VWA8: variants seen among roughly 807,000 people sequenced by gnomAD.
VWA8 encodes von Willebrand factor A domain-containing protein 8.
Under a neutral mutation model 241.5 loss-of-function variants are expected in VWA8, and 221 were observed. The ratio of observed to expected loss-of-function variants is 0.91; its 90% CI spans 0.82 to 1.02. The LOEUF (loss-of-function observed/expected upper bound fraction) is 1.02, where lower values mean the gene tolerates loss of function less well. Among genes scored for constraint, VWA8 ranks in the 50% least tolerant of loss-of-function variants. The pLI, the probability that VWA8 is intolerant of heterozygous loss-of-function variation, is 0.00. For synonymous variants in VWA8, 852 were observed against 827.1 expected (o/e 1.03, Z -0.52); for missense variants, 2,322 against 2,328.7 (o/e 1.00, Z 0.06).
At chr13:41,872,526 G>C (rs1873680783) in intron 9 of VWA8, among the ~76,000 whole-genome samples, 1 of 152,050 alleles carries the variant, frequency 6.6e-6, no homozygotes, top group African/African-American at 2.4e-5. Context: ...TCTACATATG[G>C]CTAGCCAGTT....
intron 21 of VWA8, among the ~76,000 whole-genome samples, chr13:41,758,361 G>T (rs1346599724): frequency 3.4e-5 from 3 of 88,288 alleles, no homozygotes; most frequent in Admixed American, 1.3e-4. Flanking sequence ...CATTGCTATA[G>T]ATACTAGCAT....
At chr13:41,901,500 T>C (rs1161457020) in intron 4 of VWA8, among the ~76,000 whole-genome samples, 1 of 152,168 alleles carries the variant, frequency 6.6e-6, no homozygotes, top group Non-Finnish European at 1.5e-5. Flanking sequence ...AACGTAGGTC[T>C]CCCAATAAAA....
At chr13:41,935,022 TTA>T (rs1352023564) in intron 2 of VWA8, among the ~76,000 whole-genome samples, 1 of 152,118 alleles carries the variant, frequency 6.6e-6, no homozygotes, top group African/African-American at 2.4e-5. Flanking sequence ...TTCCAAGTTT[TTA>T]TGTTGATTAT....
chr13:41,819,383 G>A lies in VWA8; in HGVS notation c.1704C>T (p.Ser568=). The change falls in exon 15 of 45, where the codon TCC becomes TCT. Residue 568 remains serine (S), a synonymous_variant. Transcript: ENST00000379310. Reference sequence around the variant, plus strand: ...TGAAGGAGGGATGGATAGGAAAAATGGATCTAAAATAGGAAAAAAAATGAA... The same window carrying A: ...TGAAGGAGGGATGGATAGGAAAAATAGATCTAAAATAGGAAAAAAAATGAA... ...QLSDEQLQKR[S]IFPIHPSFRI... The A allele has an allele frequency of 6.3e-7, 1 of 1,596,896 alleles. No homozygotes were observed. The highest frequency in any genetic ancestry group is 2.2e-5 in the East Asian group (1 of 44,580).
chr13:41,618,163 T>C (rs1181508624), intron 37 of VWA8, among the ~76,000 whole-genome samples: 6 of 152,114 alleles, frequency 3.9e-5, no homozygotes, highest in African/African-American at 1.4e-4. Context: ...TTTTAATGAT[T>C]GCCATTCTAA....
At chr13:41,714,060 T>C (rs536599308) in intron 26 of VWA8, among the ~76,000 whole-genome samples, 1 of 152,208 alleles carries the variant, frequency 6.6e-6, no homozygotes, top group East Asian at 1.9e-4. Flanking sequence ...AGAAGGATCA[T>C]CAATGGCTAT....
At chr13:41,868,777 A>G (rs1317414951) in intron 9 of VWA8, among the ~76,000 whole-genome samples, 1 of 150,804 alleles carries the variant, frequency 6.6e-6, no homozygotes, top group African/African-American at 2.4e-5. Flanking sequence ...AGTACCAGCT[A>G]CTCGGGAGGC....
At chr13:41,610,604 A>G (rs542827324) in intron 39 of VWA8, among the ~76,000 whole-genome samples, 100 of 152,350 alleles carry the variant, frequency 6.6e-4, no homozygotes, top group African/African-American at 2.4e-3. Context: ...GAAGCACAGC[A>G]TGTAATGTAA....
intron 19 of VWA8, among the ~76,000 whole-genome samples, chr13:41,782,925 T>C (rs999239757): frequency 4.6e-5 from 7 of 151,270 alleles, no homozygotes; most frequent in East Asian, 1.9e-4. Context: ...TCCATAATTA[T>C]TGGCTAGTTT....
At chr13:41,797,847 A>C (rs1180840873) in intron 17 of VWA8, among the ~76,000 whole-genome samples, 1 of 152,120 alleles carries the variant, frequency 6.6e-6, no homozygotes, top group Non-Finnish European at 1.5e-5. Context: ...TGTCTTTTAA[A>C]ATCTTAATCA....
At chr13:41,886,903 T>C in intron 6 of VWA8, 73 bp from the exon 7 acceptor site, 1 of 1,207,772 alleles carries the variant, frequency 8.3e-7, no homozygotes. Flanking sequence ...GTTTTGTAGA[T>C]ACAATCCAAC....
intron 7 of VWA8, among the ~76,000 whole-genome samples, 172 bp downstream of exon 7, chr13:41,886,609 T>C (rs1243574348): frequency 6.6e-6 from 1 of 152,224 alleles, no homozygotes; most frequent in Non-Finnish European, 1.5e-5. Flanking sequence ...TATTAGATCT[T>C]GAGTTTCCTG....
chr13:41,887,146 T>C, intron 6 of VWA8, 51 bp downstream of exon 6: 1 of 1,573,620 alleles, frequency 6.4e-7, no homozygotes, highest in Admixed American at 2.0e-5. Flanking sequence ...GAAGTTCTTG[T>C]TATAAATAGA....
At chr13:41,914,096 G>A (rs1293764636) in intron 2 of VWA8, among the ~76,000 whole-genome samples, 3 of 152,234 alleles carry the variant, frequency 2.0e-5, no homozygotes, top group African/African-American at 7.2e-5. Context: ...AGGAGGCTGA[G>A]GCTGAAGAAT....
At chr13:41,826,345 T>A (rs900845436) in intron 14 of VWA8, among the ~76,000 whole-genome samples, 1 of 152,110 alleles carries the variant, frequency 6.6e-6, no homozygotes. Flanking sequence ...CTCTGAAAAG[T>A]TAAGGACAGA....
intron 17 of VWA8, among the ~76,000 whole-genome samples, chr13:41,808,171 T>A (rs944465500): frequency 5.3e-5 from 8 of 151,986 alleles, no homozygotes; most frequent in Non-Finnish European, 1.0e-4. Context: ...TAAACTTTTT[T>A]AAAAAAACAC....
chr13:41,635,817 C>T (rs534753037), intron 37 of VWA8, among the ~76,000 whole-genome samples: 5 of 151,346 alleles, frequency 3.3e-5, no homozygotes, highest in South Asian at 2.1e-4. Context: ...TCTTGAAGAA[C>T]GAGTAAGAAT....
intron 43 of VWA8, among the ~76,000 whole-genome samples, chr13:41,573,221 A>G (rs2044322166): frequency 6.6e-6 from 1 of 151,680 alleles, no homozygotes; most frequent in South Asian, 2.1e-4. Flanking sequence ...CAGCCTGGCC[A>G]ACATAATGAA....
intron 10 of VWA8, 75 bp downstream of exon 10, chr13:41,868,271 C>T (rs1469043173): frequency 6.4e-6 from 10 of 1,565,266 alleles, no homozygotes; most frequent in South Asian, 1.1e-5. Context: ...ACAAGGAGAT[C>T]ATAAACCCAA....
Sources: gnomAD v4.1 joint callset for allele counts (sites outside exome capture counted in the v4.1 genomes callset) on GRCh38, gnomAD v4.1.1 for gene constraint, MANE v1.5 for transcripts, NCBI Gene and HGNC (gene_info 2026-07-23, HGNC 2026-07-21) for gene names.